USP38: variants seen among roughly 807,000 people sequenced by gnomAD.
The protein encoded by USP38 is ubiquitin carboxyl-terminal hydrolase 38.
USP38 carries 49 observed loss-of-function variants against 94.3 expected under a neutral mutation model. That is an observed-to-expected ratio of 0.52 (90% CI 0.41 to 0.66). The LOEUF is 0.66. Among genes scored for constraint, USP38 ranks in the 30% least tolerant of loss-of-function variants. The probability of loss-of-function intolerance (pLI) is 0.00; values close to 1 mark genes in which losing one functional copy is unlikely to be tolerated. For missense variants in USP38, 1,128 were observed against 1,229.4 expected (o/e 0.92, Z 1.23); for synonymous variants, 468 against 463.6 (o/e 1.01, Z -0.12).
Position 143,185,764 on chromosome 4 carries a change from A to G in USP38, c.314A>G (p.Asp105Gly), listed in dbSNP as rs763729621. 37 of 1,614,036 alleles carry G rather than the reference A, an allele frequency of 2.3e-5. No individual in the cohort carries two copies. Among genetic ancestry groups the G allele is most frequent in the Non-Finnish European group, 2.9e-5 (34 of 1,180,024 alleles). Residue 105 changes from aspartate (D) to glycine (G), a missense_variant, in exon 1 of 10, where the codon GAC becomes GGC. Asp to Gly is a moderately conservative substitution (Grantham distance 94). Coordinates refer to ENST00000307017, the MANE Select transcript of USP38 (RefSeq NM_032557.6). The stretch of plus-strand genomic sequence containing the variant: ...GACAGGAAGGATGTAGCCATCCTGG[A>G]CTACATTCACAACGGCCTGAAGCTG... The part of the protein sequence containing the change: ...SLDRKDVAIL[D>G]YIHNGLKLIM...
At position 143,220,458 on chromosome 4, in the gene USP38, C is replaced by T. The variant is rs1218976787; in HGVS notation, c.*2C>T. 1.2e-6 allele frequency: 2 copies of T among 1,607,876 alleles called. No individual in the cohort carries two copies. Among genetic ancestry groups the T allele is most frequent in the Non-Finnish European group, 1.7e-6 (2 of 1,177,260 alleles). On this transcript the variant is annotated 3_prime_UTR_variant, in exon 10 of 10. Transcript: ENST00000307017. ...ACAGTTGGCAGACTCGTATTTTGAT[C>T]CTGAGAGAGTCCAAAATGCACTGGT... is the stretch of plus-strand genomic sequence containing the variant.
At chr4:143,203,627 C>A in intron 5 of USP38, 61 bp downstream of exon 5, 43 of 1,483,714 alleles carry the variant, frequency 2.9e-5, no homozygotes, top group Non-Finnish European at 3.9e-5. Flanking sequence ...GTGAAACATT[C>A]TTATAACCAG....
At chr4:143,190,373 A>G (rs948722223) in intron 2 of USP38, among the ~76,000 whole-genome samples, 1 of 152,054 alleles carries the variant, frequency 6.6e-6, no homozygotes, top group Non-Finnish European at 1.5e-5. Context: ...GAGAGGTTAG[A>G]TAATTTACCC....
At chr4:143,191,672 C>T (rs1448067173) in intron 2 of USP38, among the ~76,000 whole-genome samples, 2 of 152,176 alleles carry the variant, frequency 1.3e-5, no homozygotes, top group Non-Finnish European at 2.9e-5. Context: ...AATTTGAGTT[C>T]CTACTCAGTG....
At chr4:143,197,995 A>AT (rs993256890) in intron 4 of USP38, 71 bp downstream of exon 4, 2 of 1,064,268 alleles carry the variant, frequency 1.9e-6, no homozygotes, top group Middle Eastern at 2.1e-4. Context: ...ATTGAGTCAC[A>AT]TTTTTATGTA....
At chr4:143,192,259 T>A (rs1418827814) in intron 2 of USP38, among the ~76,000 whole-genome samples, 1 of 152,204 alleles carries the variant, frequency 6.6e-6, no homozygotes, top group Non-Finnish European at 1.5e-5. Context: ...GATTGGGTTA[T>A]TTATGAACAA....
rs1165658434 is a variant in USP38 at position 143,221,692 on chromosome 4, C to G, written c.*1236C>G. ...TACTCAAGAGTTATCCCAGTTATCC[C>G]CCTTCCTAAAGGTTTTAACTTATCC... On this transcript the variant is annotated 3_prime_UTR_variant, in exon 10 of 10. Transcript: ENST00000307017. The G allele has an allele frequency of 6.6e-6, 1 of 152,084 alleles. No homozygotes were observed. Among genetic ancestry groups the G allele is most frequent in the Non-Finnish European group, 1.5e-5 (1 of 67,978 alleles). 9.4% of individuals were successfully genotyped at this position (152,084 alleles called of 1,614,324 possible).
chr4:143,209,651 T>C lies in USP38; in HGVS notation c.1491T>C (p.His497=), dbSNP rs151078385. ...AGCATCTTTTTGCCTTTCTGGCCCA[T>C]ACACAGGTGAGTGTGTATGTGTATA... ...KLQHLFAFLA[H]TQREAYAPRI... Residue 497 remains histidine, a synonymous_variant, in exon 7 of 10, where the codon CAT becomes CAC. Coordinates refer to ENST00000307017, the MANE Select transcript of USP38 (RefSeq NM_032557.6). 124 of 1,597,054 alleles carry C rather than the reference T, an allele frequency of 7.8e-5. No homozygotes were observed. The African/African-American group carries it at 1.3e-3, about 17-fold the overall frequency.
Position 143,220,623 on chromosome 4 carries a change from T to G in USP38, c.*167T>G, listed in dbSNP as rs1367003982. On this transcript the variant is annotated 3_prime_UTR_variant, in exon 10 of 10. Coordinates refer to ENST00000307017, the MANE Select transcript of USP38 (RefSeq NM_032557.6). ...TTTCTTGACACATTTATTAACAAAA[T>G]GCATCATGGAAAAAAAAATCTACCT... The G allele has an allele frequency of 3.0e-6, 2 of 674,970 alleles. No individual in the cohort carries two copies. Among genetic ancestry groups the G allele is most frequent in the Non-Finnish European group, 3.9e-6 (2 of 508,394 alleles). 41.8% of individuals were successfully genotyped at this position (674,970 alleles called of 1,614,324 possible).
At position 143,185,392 on chromosome 4, in the gene USP38, C is replaced by G. The variant is rs1561234624; in HGVS notation, c.-59C>G. 2.0e-6 allele frequency: 3 copies of G among 1,514,086 alleles called. No individual in the cohort carries two copies. Among genetic ancestry groups the G allele is most frequent in the South Asian group, 1.3e-5 (1 of 75,678 alleles). 93.8% of individuals were successfully genotyped at this position (1,514,086 alleles called of 1,614,324 possible). ...CCGCCCCGGGGCTCTCCTGCCCCAC[C>G]TCGGGGCTGCCGCCACCCGCTCCTT... On this transcript the variant is annotated 5_prime_UTR_variant, in exon 1 of 10. Coordinates refer to ENST00000307017, the MANE Select transcript of USP38 (RefSeq NM_032557.6).
At position 143,185,352 on chromosome 4, in the gene USP38, G is replaced by T; in HGVS notation, c.-99G>T. 1 of 1,348,226 alleles carries T rather than the reference G, an allele frequency of 7.4e-7. No individual in the cohort carries two copies. Among genetic ancestry groups the T allele is most frequent in the East Asian group, 2.4e-5 (1 of 40,884 alleles). The allele number at this position is 1,348,226 out of a possible 1,614,324, so 83.5% of individuals were successfully genotyped here. On this transcript the variant is annotated 5_prime_UTR_variant, in exon 1 of 10. Coordinates refer to ENST00000307017, the MANE Select transcript of USP38 (RefSeq NM_032557.6). ...TGGCCCGTCGCGCTGCTGCTGCGGC[G>T]CTCCAAGTTCATCTCCGCCCCGGGG...
In USP38 at chr4:143,214,602, C is replaced by T. The variant is rs1399378390; in HGVS notation, c.2626C>T (p.His876Tyr). ...TSTDSSYQMYHQSEALALASS... is the reference protein window; with the variant it reads ...TSTDSSYQMYYQSEALALASS... Reference sequence around the variant, plus strand: ...TACAGACTCTTCATATCAGATGTACCACCAGTCTGAGGCTCTGGCATTAGC... The same window carrying T: ...TACAGACTCTTCATATCAGATGTACTACCAGTCTGAGGCTCTGGCATTAGC... Residue 876 changes from histidine to tyrosine, a missense_variant, in exon 9 of 10, where the codon CAC becomes TAC. His to Tyr is a moderately conservative substitution (Grantham distance 83). Coordinates refer to ENST00000307017, the MANE Select transcript of USP38 (RefSeq NM_032557.6). 1 of 1,613,404 alleles carries T rather than the reference C, an allele frequency of 6.2e-7. No individual in the cohort carries two copies. Among genetic ancestry groups the T allele is most frequent in the African/African-American group, 1.3e-5 (1 of 74,884 alleles).
chr4:143,223,385 G>T lies in USP38; in HGVS notation c.*2929G>T, dbSNP rs935057645. 1 of 152,030 alleles carries T rather than the reference G, an allele frequency of 6.6e-6. No individual in the cohort carries two copies. Among genetic ancestry groups the T allele is most frequent in the African/African-American group, 2.4e-5 (1 of 41,400 alleles). 9.4% of individuals were successfully genotyped at this position (152,030 alleles called of 1,614,324 possible). ...CATTATGATGCTAGAGGCATTGGGGGGTCCATGCGAAAGGTTCAAACAGCC... is the reference window on the plus strand; with the variant it reads ...CATTATGATGCTAGAGGCATTGGGGTGTCCATGCGAAAGGTTCAAACAGCC... On this transcript the variant is annotated 3_prime_UTR_variant, in exon 10 of 10. Transcript: ENST00000307017.
rs901458498 is a variant in USP38 at position 143,221,571 on chromosome 4, G to C, written c.*1115G>C. 2.6e-5 allele frequency: 4 copies of C among 152,320 alleles called. No homozygotes were observed. The highest frequency in any genetic ancestry group is 4.8e-5 in the African/African-American group (2 of 41,412). 9.4% of individuals were successfully genotyped at this position (152,320 alleles called of 1,614,324 possible). On this transcript the variant is annotated 3_prime_UTR_variant, in exon 10 of 10. Transcript: ENST00000307017. ...TGTTGTTTCTATTTTCGTAGTTTTA[G>C]ATAAAATGTTAAAATGCCAAACCCT...
intron 4 of USP38, among the ~76,000 whole-genome samples, chr4:143,198,556 T>G (rs1731621544): frequency 6.6e-6 from 1 of 152,168 alleles, no homozygotes; most frequent in South Asian, 2.1e-4. Flanking sequence ...AGAAACTCAT[T>G]GTCAATAAAC....
intron 4 of USP38, among the ~76,000 whole-genome samples, chr4:143,200,106 A>AT (rs1731669261): frequency 1.3e-5 from 2 of 152,108 alleles, no homozygotes; most frequent in Admixed American, 1.3e-4. Flanking sequence ...GGGGTTTTAC[A>AT]TTTAAGTCTT....
intron 1 of USP38, among the ~76,000 whole-genome samples, chr4:143,187,055 A>G (rs1313887539): frequency 6.6e-6 from 1 of 152,214 alleles, no homozygotes; most frequent in Non-Finnish European, 1.5e-5. Flanking sequence ...AAAGAATTAC[A>G]AACGATGTAT....
intron 2 of USP38, among the ~76,000 whole-genome samples, chr4:143,192,458 C>G (rs192212254): frequency 6.6e-6 from 1 of 151,980 alleles, no homozygotes; most frequent in Non-Finnish European, 1.5e-5. Flanking sequence ...GCCACTGTGC[C>G]CGGCCTTCAG....
At chr4:143,204,802 A>C (rs1731814784) in intron 5 of USP38, among the ~76,000 whole-genome samples, 1 of 152,226 alleles carries the variant, frequency 6.6e-6, no homozygotes, top group Non-Finnish European at 1.5e-5. Context: ...AGCCAAACTC[A>C]ATCAGAAATT....
Sources: gnomAD v4.1 joint callset for allele counts (sites outside exome capture counted in the v4.1 genomes callset) on GRCh38, gnomAD v4.1.1 for gene constraint, MANE v1.5 for transcripts, NCBI Gene and HGNC (gene_info 2026-07-23, HGNC 2026-07-21) for gene names.